Variants in PHYH observed in about 807,000 individuals in gnomAD.
The protein encoded by PHYH is phytanoyl-CoA dioxygenase, peroxisomal.
Under a neutral mutation model 38.5 loss-of-function variants are expected in PHYH, and 32 were observed. The observed-to-expected ratio is 0.83, with a 90% CI of 0.63 to 1.12. The LOEUF is 1.12. Among genes scored for constraint, PHYH ranks in the 50% most tolerant of loss-of-function variants. PHYH has a pLI of 0.00. For synonymous variants in PHYH, 166 were observed against 157.9 expected (o/e 1.05, Z -0.38); for missense variants, 426 against 434.8 (o/e 0.98, Z 0.18).
At position 13,283,743 on chromosome 10, in the gene PHYH, G is replaced by A. The variant is rs1251773744; in HGVS notation, c.775C>T (p.His259Tyr). 4 of 1,614,090 alleles carry A rather than the reference G, an allele frequency of 2.5e-6. 1 individual carries two copies. Among genetic ancestry groups the A allele is most frequent in the South Asian group, 2.2e-5 (2 of 91,082 alleles). Reference sequence around the variant, plus strand: ...CCAGATCCGTGGATGAGCAAAGGATGGAAGAAAACAGTGTCGCCCTTCTCC... The same window carrying A: ...CCAGATCCGTGGATGAGCAAAGGATAGAAGAAAACAGTGTCGCCCTTCTCC... Reference protein sequence around the residue: ...VMEKGDTVFFHPLLIHGSGQN... With the variant: ...VMEKGDTVFFYPLLIHGSGQN... Residue 259 changes from histidine (H) to tyrosine (Y), a missense_variant, in exon 7 of 9, where the codon CAT becomes TAT. His to Tyr is a moderately conservative substitution (Grantham distance 83). Coordinates refer to ENST00000263038, the MANE Select transcript of PHYH (RefSeq NM_006214.4).
chr10:13,286,209 C>T (rs1835545472), intron 6 of PHYH, among the ~76,000 whole-genome samples: 1 of 152,130 alleles, frequency 6.6e-6, no homozygotes, highest in Non-Finnish European at 1.5e-5. Context: ...CGTTAATAGT[C>T]ATCTCTCTGG....
chr10:13,285,385 T>C (rs1207770034), intron 6 of PHYH, among the ~76,000 whole-genome samples: 1 of 151,892 alleles, frequency 6.6e-6, no homozygotes, highest in African/African-American at 2.4e-5. Context: ...GGCTTCACTA[T>C]CTTGGCCATG....
At chr10:13,299,669 G>A (rs1307113249) in intron 1 of PHYH, 9 of 1,213,068 alleles carry the variant, frequency 7.4e-6, no homozygotes, top group Non-Finnish European at 9.2e-6. Flanking sequence ...ACGCGCCGCC[G>A]GTGAAACGAC....
Position 13,294,423 on chromosome 10 carries a change from C to T in PHYH, c.414+5G>A. ...AGCCGACGCAAAGCAAGGGTGGTCT[C>T]TGACCTCGGGGAGAGTGCAGTATCT... On this transcript the variant is annotated splice_donor_5th_base_variant and intron_variant, in intron 4 of 8. Transcript: ENST00000263038. The T allele has an allele frequency of 6.2e-7, 1 of 1,613,886 alleles. No individual in the cohort carries two copies.
intron 2 of PHYH, among the ~76,000 whole-genome samples, chr10:13,296,087 G>A (rs578119547): frequency 2.6e-5 from 4 of 151,524 alleles, no homozygotes; most frequent in African/African-American, 9.7e-5. Context: ...AAAATCGCTT[G>A]AACTTGGGAG....
intron 1 of PHYH, among the ~76,000 whole-genome samples, 193 bp from the exon 2 acceptor site, chr10:13,298,438 C>G (rs1227093930): frequency 1.3e-5 from 2 of 151,690 alleles, no homozygotes; most frequent in Non-Finnish European, 2.9e-5. Flanking sequence ...CGGTGGCTCA[C>G]GTTTGTAATC....
At chr10:13,289,226 T>C (rs573145327) in intron 5 of PHYH, among the ~76,000 whole-genome samples, 180 of 152,260 alleles carry the variant, frequency 1.2e-3, no homozygotes, top group African/African-American at 3.9e-3. Context: ...GACGGAGTCT[T>C]GTTCTGCTGC....
chr10:13,299,297 C>A (rs1224792700), intron 1 of PHYH: 4 of 243,256 alleles, frequency 1.6e-5, no homozygotes, highest in Non-Finnish European at 2.9e-5. Context: ...CTTTCTTTCT[C>A]TCTGTTTCTC....
intron 1 of PHYH, chr10:13,299,639 T>A: frequency 8.7e-7 from 1 of 1,149,528 alleles, no homozygotes; most frequent in African/African-American, 1.6e-5. Flanking sequence ...TCTCTGGGTC[T>A]CTGGACAGCT....
In PHYH at chr10:13,281,113, G is replaced by T. The variant is rs116930123; in HGVS notation, c.829-3C>A. The T allele has an allele frequency of 1.3e-3, 2,164 of 1,614,076 alleles. 1 individual carries two copies. Among genetic ancestry groups the T allele is most frequent in the Non-Finnish European group, 1.7e-3 (1,959 of 1,179,960 alleles). ...CTGGCGAAATGGCAGGAAATTGCCT[G>T]TGCAAAGTGAACAAATTGATATTGG... is the stretch of plus-strand genomic sequence containing the variant. On this transcript the variant is annotated splice_polypyrimidine_tract_variant and splice_region_variant and intron_variant, in intron 7 of 8. Transcript: ENST00000263038.
chr10:13,289,995 A>G (rs1272367018), intron 5 of PHYH, among the ~76,000 whole-genome samples: 2 of 146,074 alleles, frequency 1.4e-5, no homozygotes, highest in African/African-American at 5.1e-5. Context: ...CAGGACGGGC[A>G]CGGTGGCTCA....
At chr10:13,286,730 CTA>C (rs1835560870) in intron 6 of PHYH, among the ~76,000 whole-genome samples, 1 of 150,238 alleles carries the variant, frequency 6.7e-6, no homozygotes, top group African/African-American at 2.4e-5. Flanking sequence ...CAAAAAACTA[CTA>C]TCATACACAA....
In PHYH at chr10:13,288,510, C is replaced by T. The variant is rs1157321807; in HGVS notation, c.528G>A (p.Gln176=). ...GCCTGAAGGGGAAATAGTGCAGGTC[C>T]TGGTGCAGGGGGTGACGGGACGTCT... ...GKKTSRHPLH[Q]DLHYFPFRPS... is the part of the protein sequence containing the mutation. Residue 176 remains glutamine (Q), a synonymous_variant, in exon 6 of 9, where the codon CAG becomes CAA. Transcript: ENST00000263038. The T allele has an allele frequency of 6.2e-7, 1 of 1,614,078 alleles. No individual in the cohort carries two copies. The highest frequency in any genetic ancestry group is 2.2e-5 in the East Asian group (1 of 44,886).
intron 7 of PHYH, among the ~76,000 whole-genome samples, chr10:13,281,633 A>G (rs1835416711): frequency 6.6e-6 from 1 of 152,362 alleles, no homozygotes; most frequent in Non-Finnish European, 1.5e-5. Flanking sequence ...TACCAGTGAC[A>G]TATATTACCC....
intron 3 of PHYH, 28 bp from the exon 4 acceptor site, chr10:13,294,624 C>T (rs548437557): frequency 1.7e-5 from 27 of 1,608,576 alleles, no homozygotes; most frequent in African/African-American, 1.1e-4. Flanking sequence ...CAAATGATGT[C>T]GTTACCGCTG....
rs1470521507 is a variant in PHYH at position 13,281,025 on chromosome 10, A to G, written c.914T>C (p.Val305Ala). The G allele has an allele frequency of 2.5e-6, 4 of 1,613,902 alleles. No homozygotes were observed. Among genetic ancestry groups the G allele is most frequent in the African/African-American group, 2.7e-5 (2 of 74,918 alleles). ...TSQENIEKEV[V>A]GIAHKFFGAE... ...TCCAAAGAATTTATGTGCTATTCCT[A>G]CAACTTCCTTCTCGATGTTTTCTTG... The change falls in exon 8 of 9, where the codon GTA (valine) becomes GCA (alanine). Residue 305 changes from valine (V) to alanine (A), a missense_variant. Val to Ala is a moderately conservative substitution (Grantham distance 64). Transcript: ENST00000263038.
chr10:13,280,112 G>C (rs1395551473), intron 8 of PHYH, among the ~76,000 whole-genome samples: 1 of 151,918 alleles, frequency 6.6e-6, no homozygotes, highest in Non-Finnish European at 1.5e-5. Context: ...GGGACTACAG[G>C]CATGTGCCAC....
In PHYH at chr10:13,288,574, G is replaced by A. The variant is rs559305750; in HGVS notation, c.497-33C>T. ...GAAAACCTGCTACTAAAGGATACTC[G>A]AGGCCGAGTGCAGTGGCTCACGCCT... On this transcript the variant is annotated intron_variant, in intron 5 of 8. Coordinates refer to ENST00000263038, the MANE Select transcript of PHYH (RefSeq NM_006214.4). 109 of 1,608,038 alleles carry A rather than the reference G, an allele frequency of 6.8e-5. 3 individuals carry two copies. In the South Asian group the frequency reaches 1.2e-3, roughly 18 times the overall value.
chr10:13,282,905 G>T (rs1271755275), intron 7 of PHYH, among the ~76,000 whole-genome samples: 2 of 151,912 alleles, frequency 1.3e-5, no homozygotes, highest in Non-Finnish European at 2.9e-5. Context: ...CCCTAATCCT[G>T]ACCCTGATGA....
Sources: allele counts gnomAD v4.1 joint callset (sites outside exome capture counted in the v4.1 genomes callset), GRCh38; gene constraint gnomAD v4.1.1; transcripts MANE v1.5; gene names NCBI Gene and HGNC (gene_info 2026-07-23, HGNC 2026-07-21).